UBE3D: variants seen among roughly 807,000 people sequenced by gnomAD.
UBE3D encodes the protein E3 ubiquitin-protein ligase E3D.
A neutral mutation model predicts 49.6 loss-of-function variants in UBE3D; 48 were observed. The observed-to-expected ratio is 0.97, with a 90% CI of 0.77 to 1.23. UBE3D has a LOEUF of 1.23. Ranked by LOEUF, UBE3D falls within the 50% of genes most tolerant of loss-of-function variation. UBE3D has a pLI of 0.00. For missense variants in UBE3D, 452 were observed against 468.4 expected, an observed-to-expected ratio of 0.96 and a Z score of 0.32; for synonymous variants, 189 against 174.2, an observed-to-expected ratio of 1.08 and a Z score of -0.67.
intron 9 of UBE3D, among the ~76,000 whole-genome samples, chr6:82,908,817 C>T (rs577279578): frequency 3.3e-5 from 5 of 152,268 alleles, no homozygotes; most frequent in East Asian, 1.9e-4. Context: ...CTATGCTACT[C>T]GAAACTTCCT....
intron 8 of UBE3D, among the ~76,000 whole-genome samples, chr6:83,011,847 G>A (rs1330580755): frequency 6.6e-6 from 1 of 152,150 alleles, no homozygotes; most frequent in African/African-American, 2.4e-5. Context: ...GGGTGATGGT[G>A]AATGGTGCCA....
Position 82,950,075 on chromosome 6 carries a change from C to A in UBE3D, c.1149+7237G>T, listed in dbSNP as rs151031830. Among the ~76,000 whole-genome samples the A allele has an allele frequency of 1.1e-3, 174 of 152,206 alleles. 5 individuals are homozygous for A. In the East Asian group the frequency reaches 0.029, roughly 25 times the overall value. On this transcript the variant is annotated intron_variant, in intron 9 of 9. Transcript: ENST00000369747. ...GGAAACAATCAACAAAGTGAAGAGA[C>A]AACTCACAGAATGGAACGATACATT...
intron 2 of UBE3D, among the ~76,000 whole-genome samples, chr6:83,055,582 G>A (rs1783762954): frequency 6.6e-6 from 1 of 152,152 alleles, no homozygotes; most frequent in South Asian, 2.1e-4. Context: ...ATGATGCACT[G>A]GGTCGGGTTT....
At chr6:83,061,596 T>A (rs1046177363) in intron 1 of UBE3D, among the ~76,000 whole-genome samples, 2 of 152,220 alleles carry the variant, frequency 1.3e-5, no homozygotes, top group African/African-American at 4.8e-5. Flanking sequence ...GTCCTTTCGA[T>A]GGTCCATAAG....
chr6:83,056,713 A>G (rs1783836188), intron 2 of UBE3D, among the ~76,000 whole-genome samples: 1 of 152,198 alleles, frequency 6.6e-6, no homozygotes, highest in African/African-American at 2.4e-5. Flanking sequence ...AAAAGCCAAG[A>G]GCACAGACTC....
At chr6:83,048,546 C>A (rs1783238727) in intron 3 of UBE3D, among the ~76,000 whole-genome samples, 1 of 152,000 alleles carries the variant, frequency 6.6e-6, no homozygotes, top group African/African-American at 2.4e-5. Flanking sequence ...AAAATTGCAC[C>A]AAGATTTACA....
At chr6:83,049,223 A>G (rs1468052243) in intron 3 of UBE3D, among the ~76,000 whole-genome samples, 2 of 152,216 alleles carry the variant, frequency 1.3e-5, no homozygotes, top group African/African-American at 4.8e-5. Context: ...ATGATCCATT[A>G]ATCAGTGATA....
At chr6:83,044,704 C>T (rs1181804611) in intron 3 of UBE3D, 45 bp from the exon 4 acceptor site, 1 of 1,392,820 alleles carries the variant, frequency 7.2e-7, no homozygotes, top group Non-Finnish European at 1.0e-6. Context: ...CAAAATGATA[C>T]TAACATTTTC....
At chr6:83,050,247 A>T (rs529430550) in intron 3 of UBE3D, among the ~76,000 whole-genome samples, 152 of 10,208 alleles carry the variant, frequency 0.015, 1 homozygote, top group African/African-American at 0.036. Context: ...TTTTTTATTT[A>T]AAAAAAAAAA....
At chr6:82,973,925 G>A (rs529876812) in intron 8 of UBE3D, among the ~76,000 whole-genome samples, 17 of 152,198 alleles carry the variant, frequency 1.1e-4, no homozygotes, top group South Asian at 2.1e-4. Context: ...TCTAGGTTGC[G>A]CACTCCTTAT....
At chr6:82,949,984 C>T (rs555452423) in intron 9 of UBE3D, among the ~76,000 whole-genome samples, 2 of 152,232 alleles carry the variant, frequency 1.3e-5, no homozygotes, top group South Asian at 4.2e-4. Flanking sequence ...ATCCCACAAG[C>T]ACAGGCAACT....
chr6:82,990,484 G>A (rs1562158668), intron 8 of UBE3D, among the ~76,000 whole-genome samples: 1 of 151,950 alleles, frequency 6.6e-6, no homozygotes, highest in Non-Finnish European at 1.5e-5. Flanking sequence ...CACCATGTTG[G>A]ACAGGCTGGT....
chr6:82,976,530 T>C (rs1226751822), intron 8 of UBE3D, among the ~76,000 whole-genome samples: 1 of 152,158 alleles, frequency 6.6e-6, no homozygotes, highest in African/African-American at 2.4e-5. Flanking sequence ...CCAACCTGTT[T>C]AAGTTTTTAC....
intron 9 of UBE3D, among the ~76,000 whole-genome samples, chr6:82,950,559 G>A: frequency 6.6e-6 from 1 of 152,130 alleles, no homozygotes; most frequent in Non-Finnish European, 1.5e-5. Flanking sequence ...CTTGAGGTCA[G>A]GAGTTCAAGA....
At chr6:83,004,413 G>T (rs544357613) in intron 8 of UBE3D, among the ~76,000 whole-genome samples, 1 of 152,282 alleles carries the variant, frequency 6.6e-6, no homozygotes, top group South Asian at 2.1e-4. Context: ...CTGACTAACT[G>T]AAGTTATTTC....
At chr6:83,032,427 T>A (rs562182836) in intron 5 of UBE3D, 1 of 369,728 alleles carries the variant, frequency 2.7e-6, no homozygotes, top group Admixed American at 3.2e-5. Flanking sequence ...TTCTCCTATT[T>A]GGAATGGGTG....
chr6:82,986,195 G>C (rs6907454), intron 8 of UBE3D, among the ~76,000 whole-genome samples: 1 of 151,838 alleles, frequency 6.6e-6, no homozygotes, highest in Non-Finnish European at 1.5e-5. Flanking sequence ...CTGTAATGGC[G>C]GGCGTGGTGG....
chr6:83,061,475 C>A (rs1159368179), intron 1 of UBE3D, among the ~76,000 whole-genome samples: 1 of 152,192 alleles, frequency 6.6e-6, no homozygotes, highest in Non-Finnish European at 1.5e-5. Flanking sequence ...ATAGTTCATA[C>A]AATAATTTCA....
At chr6:83,058,159 G>T in intron 1 of UBE3D, 137 bp from the exon 2 acceptor site, 1 of 818,752 alleles carries the variant, frequency 1.2e-6, no homozygotes, top group Non-Finnish European at 1.9e-6. Context: ...AAAAACAGCA[G>T]CAAGCAGATC....
Sources: gnomAD v4.1 joint callset for allele counts (sites outside exome capture counted in the v4.1 genomes callset) on GRCh38, gnomAD v4.1.1 for gene constraint, MANE v1.5 for transcripts, NCBI Gene and HGNC (gene_info 2026-07-23, HGNC 2026-07-21) for gene names.